PTPRG: variants seen among roughly 807,000 people sequenced by gnomAD.
PTPRG encodes receptor-type tyrosine-protein phosphatase gamma.
PTPRG carries 102 observed loss-of-function variants against 165.3 expected under a neutral mutation model. The ratio of observed to expected loss-of-function variants is 0.62; its 90% confidence interval spans 0.53 to 0.73. The LOEUF is 0.73. PTPRG is among the 30% of genes least tolerant of loss of function. The pLI is 0.00. For missense variants in PTPRG, 1,866 were observed against 1,861.4 expected (o/e 1.00, Z -0.05); for synonymous variants, 675 against 669.5 (o/e 1.01, Z -0.13).
intron 2 of PTPRG, among the ~76,000 whole-genome samples, chr3:61,832,885 T>C (rs2036342060): frequency 6.6e-6 from 1 of 152,168 alleles, no homozygotes; most frequent in Non-Finnish European, 1.5e-5. Context: ...GTCCCCAAAG[T>C]CCAGCGTTAT....
In PTPRG at chr3:62,034,266, A is replaced by G. The variant is rs564522362; in HGVS notation, c.519+30769A>G. Among the ~76,000 whole-genome samples, 4 of 152,358 alleles carry G rather than the reference A, an allele frequency of 2.6e-5. No homozygotes were observed. The East Asian group carries it at 7.7e-4, about 29-fold the overall frequency. ...TATTTTCAATCTGCATTTGTTTGGA[A>G]AAAGCAAACCCTAGCAGTTCAAACT... On this transcript the variant is annotated intron_variant, in intron 4 of 29. Coordinates refer to ENST00000474889, the MANE Select transcript of PTPRG (RefSeq NM_002841.4).
intron 2 of PTPRG, among the ~76,000 whole-genome samples, chr3:61,913,519 G>A (rs1220753557): frequency 5.9e-5 from 9 of 151,956 alleles, no homozygotes; most frequent in Non-Finnish European, 1.0e-4. Flanking sequence ...GCACCCGGCC[G>A]AGGGACACCT....
At chr3:61,745,997 G>C (rs2033182612) in intron 1 of PTPRG, among the ~76,000 whole-genome samples, 3 of 151,876 alleles carry the variant, frequency 2.0e-5, no homozygotes, top group Admixed American at 1.3e-4. Context: ...CTTTGTCGAA[G>C]GTTTAAATAT....
At chr3:62,226,989 T>TG (rs1200679181) in intron 13 of PTPRG, among the ~76,000 whole-genome samples, 1 of 152,140 alleles carries the variant, frequency 6.6e-6, no homozygotes, top group Non-Finnish European at 1.5e-5. Context: ...GGATGTTCAG[T>TG]GGGAGACAGA....
chr3:61,648,619 G>A lies in PTPRG; in HGVS notation c.85+86247G>A, dbSNP rs549571382. ...CCCCAGGCTGATGCACCAAGGGAAC[G>A]TCTAATGCCTGCACTTCCCAGGCTT... On this transcript the variant is annotated intron_variant, in intron 1 of 29. Transcript: ENST00000474889. 4.6e-5 allele frequency among the ~76,000 whole-genome samples: 7 copies of A among 152,358 alleles called. No individual in the cohort carries two copies. In the East Asian group the frequency reaches 7.7e-4, roughly 17 times the overall value.
At chr3:61,568,074 A>C (rs1699963304) in intron 1 of PTPRG, among the ~76,000 whole-genome samples, 1 of 152,216 alleles carries the variant, frequency 6.6e-6, no homozygotes, top group Non-Finnish European at 1.5e-5. Flanking sequence ...GTGCACTTAA[A>C]AAATCAACTA....
Position 62,203,274 on chromosome 3 carries a change from A to G in PTPRG, c.1479A>G (p.Ala493=), listed in dbSNP as rs1700138076. The part of the protein sequence containing the change: ...SGIPFSFVSM[A]TGMGPSSSGS... ...TCCCATTCTCATTTGTTTCCATGGC[A>G]ACTGGGATGGGCCCCTCCTCCAGTG... Residue 493 remains alanine (A), a synonymous_variant, in exon 12 of 30, where the codon GCA becomes GCG. Coordinates refer to ENST00000474889, the MANE Select transcript of PTPRG (RefSeq NM_002841.4). The surrounding 1 kb of genome is among the most constrained non-coding windows in gnomAD (Gnocchi z 6.4). 2 of 1,613,450 alleles carry G rather than the reference A, an allele frequency of 1.2e-6. No homozygotes were observed. Among genetic ancestry groups the G allele is most frequent in the Non-Finnish European group, 1.7e-6 (2 of 1,179,984 alleles).
At chr3:61,793,785 C>G (rs2034964569) in intron 2 of PTPRG, among the ~76,000 whole-genome samples, 1 of 152,128 alleles carries the variant, frequency 6.6e-6, no homozygotes, top group South Asian at 2.1e-4. Flanking sequence ...CACCCCTTGC[C>G]AGTTTCCTTG....
At chr3:61,850,801 A>G (rs1467272570) in intron 2 of PTPRG, among the ~76,000 whole-genome samples, 1 of 152,222 alleles carries the variant, frequency 6.6e-6, no homozygotes, top group Non-Finnish European at 1.5e-5. Flanking sequence ...TAGACATGCA[A>G]AAATGAGAGC....
chr3:62,176,993 G>A (rs1367324597), intron 8 of PTPRG, among the ~76,000 whole-genome samples: 1 of 152,178 alleles, frequency 6.6e-6, no homozygotes, highest in Non-Finnish European at 1.5e-5. Context: ...GCAGAGCCCA[G>A]TGGCTCACGC....
chr3:61,613,831 A>G (rs1179782889), intron 1 of PTPRG, among the ~76,000 whole-genome samples: 1 of 152,214 alleles, frequency 6.6e-6, no homozygotes, highest in Non-Finnish European at 1.5e-5. Context: ...ACACAAAACC[A>G]TGAGCAATAT....
chr3:62,218,719 G>C, intron 12 of PTPRG, 132 bp from the exon 13 acceptor site: 1 of 1,205,834 alleles, frequency 8.3e-7, no homozygotes, highest in Non-Finnish European at 1.2e-6. Flanking sequence ...TGCCCCTCCT[G>C]TCATGGGGCA....
rs35752592 is a variant in PTPRG, at chr3:61,895,420, G to T, written c.191-94205G>T. On this transcript the variant is annotated intron_variant, in intron 2 of 29. Transcript: ENST00000474889. ...CTCCTTGTCTTTTTATTTTTTCTTA[G>T]ATCTGCTGGCCTATCTTGCTAGTGA... Among the ~76,000 whole-genome samples the T allele has an allele frequency of 9.1e-3, 1,389 of 152,210 alleles. 52 individuals are homozygous for T. Among genetic ancestry groups the T allele is most frequent in the Admixed American group, 0.064 (986 of 15,290 alleles).
At chr3:61,797,243 C>T (rs2035076839) in intron 2 of PTPRG, among the ~76,000 whole-genome samples, 1 of 152,186 alleles carries the variant, frequency 6.6e-6, no homozygotes, top group Non-Finnish European at 1.5e-5. Context: ...GCAGAAATTT[C>T]TTCTTCACAT....
intron 1 of PTPRG, among the ~76,000 whole-genome samples, chr3:61,685,002 C>T (rs144743296): frequency 6.6e-6 from 1 of 152,274 alleles, no homozygotes; most frequent in East Asian, 1.9e-4. Context: ...GTTTCTCTCT[C>T]CCCATCTCCC....
Position 62,133,875 on chromosome 3 carries a change from C to A in PTPRG, c.682+1207C>A, listed in dbSNP as rs567036293. 2.0e-5 allele frequency among the ~76,000 whole-genome samples: 3 copies of A among 152,016 alleles called. No individual in the cohort carries two copies. The South Asian group carries it at 6.2e-4, about 32-fold the overall frequency. ...ATAGGCGCCTATAATCCCAGCTACTCGAGAGGCTGAGGCAGGAGAATCACT... is the reference window on the plus strand; with the variant it reads ...ATAGGCGCCTATAATCCCAGCTACTAGAGAGGCTGAGGCAGGAGAATCACT... On this transcript the variant is annotated intron_variant, in intron 6 of 29. Transcript: ENST00000474889.
intron 5 of PTPRG, among the ~76,000 whole-genome samples, chr3:62,086,658 A>G (rs982186981): frequency 7.9e-5 from 12 of 152,240 alleles, no homozygotes; most frequent in African/African-American, 2.9e-4. Context: ...GCAATTTCAG[A>G]ATGTTTTGGG....
intron 5 of PTPRG, among the ~76,000 whole-genome samples, chr3:62,113,872 C>T (rs1702760764): frequency 6.6e-6 from 1 of 152,202 alleles, no homozygotes; most frequent in Non-Finnish European, 1.5e-5. Flanking sequence ...TGCCATAATT[C>T]ATAGTAGGTA....
intron 2 of PTPRG, among the ~76,000 whole-genome samples, chr3:61,852,601 C>G (rs374575352): frequency 6.6e-6 from 1 of 152,302 alleles, no homozygotes; most frequent in South Asian, 2.1e-4. Flanking sequence ...AACATGGAAG[C>G]TGAGTCCCAG....
Sources: allele counts gnomAD v4.1 joint callset (sites outside exome capture counted in the v4.1 genomes callset), GRCh38; gene constraint gnomAD v4.1.1; non-coding constraint Gnocchi (gnomAD v3.1); transcripts MANE v1.5; gene names NCBI Gene and HGNC (gene_info 2026-07-23, HGNC 2026-07-21).